The following AUTS2 variants were observed in gnomAD, a reference collection of about 807,000 sequenced individuals.
AUTS2 encodes autism susceptibility gene 2 protein.
Under a neutral mutation model 112.4 loss-of-function variants are expected in AUTS2, and 17 were observed. That is an observed-to-expected ratio of 0.15 (90% CI 0.10 to 0.23). AUTS2 has a LOEUF of 0.23. Among genes scored for constraint, AUTS2 ranks in the 10% least tolerant of loss-of-function variants. The pLI is 1.00. For missense variants in AUTS2, 1,510 were observed against 1,701.6 expected (o/e 0.89, Z 1.98); for synonymous variants, 751 against 702.7 (o/e 1.07, Z -1.09).
chr7:69,952,456 C>T (rs757503315), intron 2 of AUTS2, among the ~76,000 whole-genome samples: 10 of 152,142 alleles, frequency 6.6e-5, no homozygotes, highest in Non-Finnish European at 1.2e-4. Flanking sequence ...TCGTTTACCT[C>T]TACTATTTAT....
intron 1 of AUTS2, among the ~76,000 whole-genome samples, chr7:69,693,544 A>G (rs1797433092): frequency 6.6e-6 from 1 of 152,348 alleles, no homozygotes; most frequent in East Asian, 1.9e-4. Context: ...TGTTTCAAGG[A>G]CTGGAACCTT....
intron 1 of AUTS2, among the ~76,000 whole-genome samples, chr7:69,623,936 T>C (rs1282716608): frequency 6.6e-6 from 1 of 152,154 alleles, no homozygotes; most frequent in Non-Finnish European, 1.5e-5. Flanking sequence ...CCCAAGAAAT[T>C]AGAGATATAA....
chr7:70,206,312 G>C (rs954178983), intron 4 of AUTS2, among the ~76,000 whole-genome samples: 1 of 152,124 alleles, frequency 6.6e-6, no homozygotes, highest in Non-Finnish European at 1.5e-5. Flanking sequence ...GGCAGGCATG[G>C]AAGGAGATAC....
chr7:70,476,799 A>G (rs1482793635), intron 5 of AUTS2, among the ~76,000 whole-genome samples: 1 of 152,196 alleles, frequency 6.6e-6, no homozygotes, highest in Non-Finnish European at 1.5e-5. Flanking sequence ...TTGTTGTAAT[A>G]TTTAAATATG....
At chr7:69,601,823 G>A (rs1444542840) in intron 1 of AUTS2, among the ~76,000 whole-genome samples, 1 of 151,914 alleles carries the variant, frequency 6.6e-6, no homozygotes. Flanking sequence ...AGTTGAAATG[G>A]CAGCATGTTC....
At chr7:69,999,885 GAAGATGGATT>G (rs1240982524) in intron 2 of AUTS2, among the ~76,000 whole-genome samples, 1 of 152,188 alleles carries the variant, frequency 6.6e-6, no homozygotes, top group Non-Finnish European at 1.5e-5. Flanking sequence ...AGAGGTGGTG[GAAGATGGATT>G]ATCTGGAACT....
At chr7:69,790,411 G>A (rs986466245) in intron 1 of AUTS2, among the ~76,000 whole-genome samples, 3 of 152,188 alleles carry the variant, frequency 2.0e-5, no homozygotes, top group Admixed American at 1.3e-4. Flanking sequence ...GGAAGGGGAT[G>A]ACAATGGGAG....
At chr7:69,967,320 AG>A (rs67860816) in intron 2 of AUTS2, among the ~76,000 whole-genome samples, 53,773 of 151,604 alleles carry the variant, frequency 0.35, 10,108 homozygotes, top group African/African-American at 0.48. Flanking sequence ...GGGAGGTACC[AG>A]GGGACATAGC....
At chr7:70,377,316 A>G (rs1585075537) in intron 4 of AUTS2, among the ~76,000 whole-genome samples, 1 of 112,904 alleles carries the variant, frequency 8.9e-6, no homozygotes, top group African/African-American at 3.4e-5. Context: ...TCTCAAACAA[A>G]CAAATATAAA....
intron 2 of AUTS2, among the ~76,000 whole-genome samples, chr7:70,027,462 C>T (rs1451832752): frequency 6.6e-6 from 1 of 152,152 alleles, no homozygotes; most frequent in Non-Finnish European, 1.5e-5. Context: ...TCATCCAGCC[C>T]CTATGTCATT....
chr7:70,421,647 G>T (rs1795222347), intron 4 of AUTS2, among the ~76,000 whole-genome samples: 1 of 152,180 alleles, frequency 6.6e-6, no homozygotes, highest in African/African-American at 2.4e-5. Flanking sequence ...CCCTGATGAG[G>T]AGTCACTCGG....
intron 2 of AUTS2, among the ~76,000 whole-genome samples, chr7:70,086,185 A>T (rs1803588265): frequency 6.6e-6 from 1 of 152,178 alleles, no homozygotes; most frequent in Non-Finnish European, 1.5e-5. Context: ...TCACTTTGTA[A>T]ATGTAAATTT....
chr7:70,756,489 A>T (rs1789216318), intron 6 of AUTS2, among the ~76,000 whole-genome samples: 1 of 152,228 alleles, frequency 6.6e-6, no homozygotes, highest in Admixed American at 6.5e-5. Flanking sequence ...AATGAAATAG[A>T]TACTTAATGT....
intron 1 of AUTS2, among the ~76,000 whole-genome samples, chr7:69,733,196 G>A (rs1453376061): frequency 1.3e-5 from 2 of 152,176 alleles, no homozygotes; most frequent in East Asian, 3.9e-4. Context: ...GCTTCTTTTA[G>A]ATAATCACTG....
chr7:70,068,061 T>C (rs1037786031), intron 2 of AUTS2, among the ~76,000 whole-genome samples: 2 of 152,116 alleles, frequency 1.3e-5, no homozygotes, highest in East Asian at 1.9e-4. Context: ...ATTTGAATTA[T>C]GTATGGAAAA....
intron 2 of AUTS2, among the ~76,000 whole-genome samples, chr7:70,037,120 G>A (rs1458006622): frequency 6.6e-6 from 1 of 152,070 alleles, no homozygotes; most frequent in Non-Finnish European, 1.5e-5. Flanking sequence ...AGGACATTAT[G>A]CTAAGTAAAA....
At chr7:70,551,819 C>A (rs115855810) in intron 5 of AUTS2, among the ~76,000 whole-genome samples, 41 of 152,260 alleles carry the variant, frequency 2.7e-4, no homozygotes, top group African/African-American at 8.7e-4. Flanking sequence ...TGGGAATGCT[C>A]TTTGCTATCT....
chr7:70,660,834 A>T (rs1807033261), intron 5 of AUTS2, among the ~76,000 whole-genome samples: 1 of 152,154 alleles, frequency 6.6e-6, no homozygotes, highest in Non-Finnish European at 1.5e-5. Flanking sequence ...GTTAGCCTGC[A>T]TTGTTGTCCT....
At chr7:70,617,611 T>A (rs1172293017) in intron 5 of AUTS2, among the ~76,000 whole-genome samples, 7 of 150,898 alleles carry the variant, frequency 4.6e-5, no homozygotes, top group Non-Finnish European at 8.8e-5. Context: ...TGCAGTGAGC[T>A]GAGATCACAC....
Sources: gnomAD v4.1 joint callset for allele counts (sites outside exome capture counted in the v4.1 genomes callset) on GRCh38, gnomAD v4.1.1 for gene constraint, MANE v1.5 for transcripts, NCBI Gene and HGNC (gene_info 2026-07-23, HGNC 2026-07-21) for gene names.